KLHL32: variants seen among roughly 807,000 people sequenced by gnomAD.
KLHL32 encodes kelch like family member 32, also known as kelch-like protein 32.
A neutral mutation model predicts 64.8 loss-of-function variants in KLHL32; 35 were observed. The observed-to-expected ratio is 0.54, with a 90% confidence interval of 0.41 to 0.72. KLHL32 has a LOEUF of 0.72. Ranked by LOEUF, KLHL32 falls within the 30% of genes least tolerant of loss-of-function variation. The pLI, the probability that KLHL32 is intolerant of heterozygous loss-of-function variation, is 0.00. For missense variants in KLHL32, 589 were observed against 768.5 expected (o/e 0.77, Z 2.76); for synonymous variants, 259 against 281.0 (o/e 0.92, Z 0.78).
chr6:96,952,949 T>A (rs1302223910), intron 1 of KLHL32, among the ~76,000 whole-genome samples: 1 of 152,190 alleles, frequency 6.6e-6, no homozygotes, highest in Non-Finnish European at 1.5e-5. Flanking sequence ...CACAACCCTG[T>A]GAGTTCATCC....
At chr6:96,937,215 C>T (rs530153698) in intron 1 of KLHL32, among the ~76,000 whole-genome samples, 6 of 152,282 alleles carry the variant, frequency 3.9e-5, no homozygotes, top group African/African-American at 1.4e-4. Context: ...TTCCCTCATG[C>T]CCATTTGCAG....
intron 4 of KLHL32, among the ~76,000 whole-genome samples, chr6:97,048,175 A>G (rs903195037): frequency 6.6e-6 from 1 of 152,178 alleles, no homozygotes; most frequent in African/African-American, 2.4e-5. Flanking sequence ...ACCAAATGAT[A>G]GTGACGTTTA....
upstream of KLHL32, among the ~76,000 whole-genome samples, chr6:96,923,324 CT>C (rs2127982635): frequency 6.6e-6 from 1 of 152,286 alleles, no homozygotes; most frequent in South Asian, 2.1e-4. Context: ...TTCAAAGACG[CT>C]TTCATATTCG....
chr6:96,925,414 G>C (rs938697478), intron 1 of KLHL32, among the ~76,000 whole-genome samples: 15 of 152,308 alleles, frequency 9.8e-5, no homozygotes, highest in African/African-American at 3.6e-4. Context: ...TCTGTATTCA[G>C]GTGGCGGTTT....
At chr6:96,907,080 A>T in the KLHL32 span, among the ~76,000 whole-genome samples, 1 of 149,008 alleles carries the variant, frequency 6.7e-6, no homozygotes, top group Non-Finnish European at 1.5e-5. Context: ...TACTGTAAGA[A>T]ATTATAAGTA....
intron 1 of KLHL32, among the ~76,000 whole-genome samples, chr6:96,932,439 T>G (rs1015077881): frequency 2.9e-4 from 44 of 152,042 alleles, no homozygotes; most frequent in African/African-American, 1.1e-3. Context: ...CCTTAGGCCT[T>G]TCTATATAGC....
intron 3 of KLHL32, among the ~76,000 whole-genome samples, chr6:97,039,012 C>T (rs1227641276): frequency 4.0e-5 from 6 of 151,162 alleles, no homozygotes; most frequent in Admixed American, 4.0e-4. Context: ...ATTGCTTGGA[C>T]CCAGGAGGCG....
At chr6:97,123,539 G>T (rs968917480) in intron 7 of KLHL32, among the ~76,000 whole-genome samples, 2 of 152,082 alleles carry the variant, frequency 1.3e-5, no homozygotes, top group Non-Finnish European at 2.9e-5. Flanking sequence ...ATAAGACAGG[G>T]TTGCTCATTT....
chr6:96,910,259 A>G, the KLHL32 span, among the ~76,000 whole-genome samples: 8 of 152,096 alleles, frequency 5.3e-5, no homozygotes, highest in African/African-American at 1.9e-4. Context: ...GAAAAAGAAC[A>G]AGAAAGATTC....
chr6:96,947,521 G>A (rs183881261), intron 1 of KLHL32, among the ~76,000 whole-genome samples: 54 of 152,276 alleles, frequency 3.5e-4, no homozygotes, highest in African/African-American at 1.3e-3. Context: ...TTAATGTCAT[G>A]AGCAATGTCT....
chr6:97,008,383 A>G (rs1249883446), intron 3 of KLHL32, among the ~76,000 whole-genome samples: 1 of 152,122 alleles, frequency 6.6e-6, no homozygotes, highest in East Asian at 1.9e-4. Context: ...AGGCCAGAAG[A>G]CAGGGTAGTG....
At chr6:97,019,478 C>A (rs1781691055) in intron 3 of KLHL32, among the ~76,000 whole-genome samples, 1 of 152,228 alleles carries the variant, frequency 6.6e-6, no homozygotes, top group African/African-American at 2.4e-5. Flanking sequence ...AGATTAGTCA[C>A]TGGATGTGGG....
chr6:97,063,219 G>C (rs1789194106), intron 4 of KLHL32, among the ~76,000 whole-genome samples: 1 of 152,198 alleles, frequency 6.6e-6, no homozygotes, highest in Admixed American at 6.5e-5. Flanking sequence ...AAGAGGAATG[G>C]ACTGGACTAA....
intron 8 of KLHL32, among the ~76,000 whole-genome samples, chr6:97,129,514 A>G (rs1799215332): frequency 6.6e-6 from 1 of 152,228 alleles, no homozygotes; most frequent in Admixed American, 6.5e-5. Flanking sequence ...AAGGTTGGGC[A>G]TACTCTTCCC....
At chr6:96,995,600 C>A (rs1208129956) in intron 3 of KLHL32, among the ~76,000 whole-genome samples, 2 of 152,156 alleles carry the variant, frequency 1.3e-5, no homozygotes, top group African/African-American at 4.8e-5. Context: ...AGTGTTGTAG[C>A]CACACTATTC....
intron 7 of KLHL32, among the ~76,000 whole-genome samples, chr6:97,115,220 T>TTGTCAAGG (rs780200598): frequency 6.6e-5 from 10 of 152,194 alleles, no homozygotes; most frequent in Non-Finnish European, 1.3e-4. Context: ...TTCACTACAT[T>TTGTCAAGG]GCCCAGGCTG....
chr6:97,039,019 G>A (rs1229837814), intron 3 of KLHL32, among the ~76,000 whole-genome samples: 1 of 151,412 alleles, frequency 6.6e-6, no homozygotes, highest in East Asian at 1.9e-4. Context: ...GGACCCAGGA[G>A]GCGGAGGTTG....
At chr6:96,985,580 CT>C (rs1004744218) in intron 3 of KLHL32, among the ~76,000 whole-genome samples, 1 of 152,094 alleles carries the variant, frequency 6.6e-6, no homozygotes, top group African/African-American at 2.4e-5. Flanking sequence ...TCTTTTTATT[CT>C]TTTTTCTCTA....
chr6:97,102,815 T>C, intron 6 of KLHL32, among the ~76,000 whole-genome samples: 1 of 152,072 alleles, frequency 6.6e-6, no homozygotes, highest in Admixed American at 6.6e-5. Context: ...ATATACTAGA[T>C]ATGGGATGGG....
Sources: allele counts gnomAD v4.1 joint callset (sites outside exome capture counted in the v4.1 genomes callset), GRCh38; gene constraint gnomAD v4.1.1; transcripts MANE v1.5; gene names NCBI Gene and HGNC (gene_info 2026-07-23, HGNC 2026-07-21).